Variants in TEX14 observed in about 807,000 individuals in gnomAD.
TEX14 encodes the protein testis expressed 14, intercellular bridge forming factor.
TEX14 carries 168 observed loss-of-function variants against 178.6 expected under a neutral mutation model. The observed-to-expected ratio is 0.94, with a 90% CI of 0.83 to 1.07. The LOEUF is 1.07. Ranked by LOEUF, TEX14 falls within the 50% of genes least tolerant of loss-of-function variation. The probability of loss-of-function intolerance (pLI) is 0.00; values close to 1 mark genes in which losing one functional copy is unlikely to be tolerated. For synonymous variants in TEX14, 626 were observed against 634.1 expected (o/e 0.99, Z 0.19); for missense variants, 1,730 against 1,753.6 (o/e 0.99, Z 0.24).
chr17:58,603,886 A>AGTGTGTGT (rs1267658086), intron 11 of TEX14, among the ~76,000 whole-genome samples: 3 of 73,394 alleles, frequency 4.1e-5, no homozygotes, highest in Non-Finnish European at 7.2e-5. Context: ...ATGTGATTTT[A>AGTGTGTGT]CTGTGTGTGT....
At chr17:58,592,838 C>A (rs986350957) in intron 15 of TEX14, among the ~76,000 whole-genome samples, 2 of 152,136 alleles carry the variant, frequency 1.3e-5, no homozygotes, top group African/African-American at 4.8e-5. Flanking sequence ...CACACTCGGC[C>A]TGTTTTACTT....
intron 29 of TEX14, 26 bp from the exon 30 acceptor site, chr17:58,559,588 C>T (rs1440665627): frequency 8.9e-7 from 1 of 1,121,716 alleles, no homozygotes; most frequent in Non-Finnish European, 1.4e-6. Flanking sequence ...TTTGGGGAAT[C>T]AAAACGTATA....
chr17:58,666,584 G>GT (rs1379454524), intron 1 of TEX14: 1 of 150,328 alleles, frequency 6.7e-6, no homozygotes, highest in Non-Finnish European at 1.5e-5. Context: ...ATTATACACT[G>GT]TAGTTACCCA....
Position 58,630,456 on chromosome 17 carries a change from C to T in TEX14, c.235G>A (p.Gly79Arg), listed in dbSNP as rs148273674. The change falls in exon 3 of 32, where the codon GGA (glycine) becomes AGA (arginine). Residue 79 changes from glycine (G) to arginine (R), a missense_variant. By Grantham distance (125) the Gly-to-Arg change is moderately radical. This residue lies in a region of TEX14 where 789 missense variants were observed against 681.2 expected (regional missense o/e 1.16). Coordinates refer to ENST00000349033, the MANE Select transcript of TEX14 (RefSeq NM_031272.5). ...TGTACTTACTGATTTGGATCTGATCCATAATCCACCAGAACATCAACGAAT... is the reference window on the plus strand; with the variant it reads ...TGTACTTACTGATTTGGATCTGATCTATAATCCACCAGAACATCAACGAAT... Reference protein sequence around the residue: ...RKFVDVLVDYGSDPNHRCFDG... With the variant: ...RKFVDVLVDYRSDPNHRCFDG... 30 of 1,612,162 alleles carry T rather than the reference C, an allele frequency of 1.9e-5. No individual in the cohort carries two copies. Among genetic ancestry groups the T allele is most frequent in the Non-Finnish European group, 2.3e-5 (27 of 1,178,402 alleles).
intron 2 of TEX14, among the ~76,000 whole-genome samples, chr17:58,648,707 C>T (rs906728541): frequency 3.9e-5 from 6 of 152,112 alleles, no homozygotes; most frequent in Non-Finnish European, 4.4e-5. Context: ...CTGAGGTTTG[C>T]CTGAAGGGCC....
At chr17:58,617,512 A>G (rs1027794388) in intron 6 of TEX14, 26 bp downstream of exon 6, 4 of 1,580,920 alleles carry the variant, frequency 2.5e-6, no homozygotes, top group African/African-American at 1.3e-5. Flanking sequence ...TCCTGCAAAC[A>G]CTGGCTGTCA....
chr17:58,660,818 T>G lies in TEX14; in HGVS notation c.-1-8816A>C, dbSNP rs748117462. ...CACTGTCATGGAAGCCAGACTTGGA[T>G]AGCCAGCGCCAAATACTTTGGCTTG... On this transcript the variant is annotated intron_variant, in intron 1 of 31. Coordinates refer to ENST00000349033, the MANE Select transcript of TEX14 (RefSeq NM_031272.5). 8.9e-6 allele frequency: 7 copies of G among 782,470 alleles called. No individual in the cohort carries two copies. The African/African-American group carries it at 1.2e-4, about 13-fold the overall frequency. 48.5% of individuals were successfully genotyped at this position (782,470 alleles called of 1,614,324 possible).
intron 5 of TEX14, among the ~76,000 whole-genome samples, chr17:58,617,877 T>C (rs979343868): frequency 6.6e-6 from 1 of 152,164 alleles, no homozygotes; most frequent in Non-Finnish European, 1.5e-5. Context: ...CTGTTAACAG[T>C]GCAAAACAGT....
intron 14 of TEX14, 111 bp from the exon 15 acceptor site, chr17:58,593,772 C>A (rs1567724038): frequency 2.3e-6 from 2 of 879,244 alleles, no homozygotes; most frequent in Non-Finnish European, 3.6e-6. Context: ...ATAACCAGAC[C>A]TACCAGGATT....
At chr17:58,560,583 CA>C (rs760859235) in intron 29 of TEX14, among the ~76,000 whole-genome samples, 1 of 152,208 alleles carries the variant, frequency 6.6e-6, no homozygotes, top group Non-Finnish European at 1.5e-5. Context: ...CTAGGGCAGA[CA>C]AGTAAGCTGA....
At chr17:58,560,840 A>G (rs1363941782) in intron 29 of TEX14, among the ~76,000 whole-genome samples, 8 of 152,236 alleles carry the variant, frequency 5.3e-5, no homozygotes, top group Admixed American at 3.9e-4. Context: ...CGTCATCTGG[A>G]CAGTACATTT....
intron 10 of TEX14, among the ~76,000 whole-genome samples, chr17:58,605,673 C>A (rs1389617964): frequency 6.6e-6 from 1 of 152,240 alleles, no homozygotes; most frequent in Non-Finnish European, 1.5e-5. Flanking sequence ...AGTCTTTGCA[C>A]TGGCAGCTTC....
At chr17:58,682,196 G>A (rs979111527) in intron 1 of TEX14, among the ~76,000 whole-genome samples, 13 of 151,678 alleles carry the variant, frequency 8.6e-5, no homozygotes, top group African/African-American at 2.2e-4. Context: ...CAATTGACCC[G>A]TCTCCGCCTC....
At chr17:58,566,515 C>T (rs755498427) in intron 26 of TEX14, among the ~76,000 whole-genome samples, 4 of 152,170 alleles carry the variant, frequency 2.6e-5, no homozygotes, top group Non-Finnish European at 4.4e-5. Flanking sequence ...AGACAGAAGG[C>T]AGGCTGAGCA....
intron 1 of TEX14, among the ~76,000 whole-genome samples, chr17:58,656,447 AAAAAC>A (rs986407768): frequency 1.5e-4 from 22 of 150,262 alleles, no homozygotes; most frequent in African/African-American, 5.4e-4. Flanking sequence ...TCTGTCTCAA[AAAAAC>A]AAAACAAAAC....
intron 18 of TEX14, among the ~76,000 whole-genome samples, chr17:58,585,328 G>A (rs1009739320): frequency 6.6e-6 from 1 of 152,174 alleles, no homozygotes; most frequent in Admixed American, 6.6e-5. Context: ...GAGATATAGG[G>A]CTATACTGTC....
At chr17:58,638,755 G>T (rs146060760) in intron 2 of TEX14, among the ~76,000 whole-genome samples, 2 of 151,712 alleles carry the variant, frequency 1.3e-5, no homozygotes, top group African/African-American at 4.8e-5. Flanking sequence ...GGTCAGGCTG[G>T]TCTTGAACTC....
chr17:58,686,861 C>CT (rs71143271), intron 1 of TEX14, among the ~76,000 whole-genome samples: 1,243 of 71,534 alleles, frequency 0.017, 193 homozygotes, highest in Non-Finnish European at 0.025. Flanking sequence ...GAAAGGTCAC[C>CT]TTTTTTTTTT....
chr17:58,605,375 G>A (rs1161291416), intron 10 of TEX14, among the ~76,000 whole-genome samples: 2 of 152,164 alleles, frequency 1.3e-5, no homozygotes, highest in African/African-American at 4.8e-5. Context: ...TTGTATTTTA[G>A]TAGAGACGAG....
Sources: allele counts gnomAD v4.1 joint callset (sites outside exome capture counted in the v4.1 genomes callset), GRCh38; gene constraint gnomAD v4.1.1; regional missense constraint gnomAD v4.1.1; transcripts MANE v1.5; gene names NCBI Gene and HGNC (gene_info 2026-07-23, HGNC 2026-07-21).